The following CCN4 variants were observed in gnomAD, a reference collection of about 807,000 sequenced individuals.
The protein encoded by CCN4 is CCN family member 4.
A neutral mutation model predicts 36.7 loss-of-function variants in CCN4; 30 were observed. The ratio of observed to expected loss-of-function variants is 0.82; its 90% CI spans 0.61 to 1.11. The LOEUF (loss-of-function observed/expected upper bound fraction) is 1.11. Ranked by LOEUF, CCN4 falls within the 50% of genes least tolerant of loss-of-function variation. The pLI is 0.00. For missense variants in CCN4, 505 were observed against 504.9 expected (o/e 1.00, Z 0.00); for synonymous variants, 191 against 195.4 (o/e 0.98, Z 0.19).
At chr8:133,215,015 C>A (rs188546134) in intron 2 of CCN4, among the ~76,000 whole-genome samples, 1 of 152,202 alleles carries the variant, frequency 6.6e-6, no homozygotes, top group African/African-American at 2.4e-5. Context: ...AACTTTCACA[C>A]GAATCCTTGT....
At chr8:133,209,165 C>T (rs1018290972) in intron 1 of CCN4, among the ~76,000 whole-genome samples, 2 of 152,194 alleles carry the variant, frequency 1.3e-5, no homozygotes, top group East Asian at 1.9e-4. Flanking sequence ...ACCGCCCTTG[C>T]GCCAGTCATC....
At position 133,230,030 on chromosome 8, in the gene CCN4, C is replaced by T. The variant is rs1854898721; in HGVS notation, c.*2320C>T. ...TCAGTGGAAACCCAAGAGCTAGGTT[C>T]TTACTGAATTTGCATCTCAATTTGG... On this transcript the variant is annotated 3_prime_UTR_variant, in exon 5 of 5. Transcript: ENST00000250160. 6.6e-6 allele frequency: 1 copy of T among 152,238 alleles called. No individual in the cohort carries two copies. The highest frequency in any genetic ancestry group is 1.5e-5 in the Non-Finnish European group (1 of 68,044). 9.4% of individuals were successfully genotyped at this position (152,238 alleles called of 1,614,324 possible).
intron 3 of CCN4, among the ~76,000 whole-genome samples, chr8:133,223,216 G>T (rs901776409): frequency 1.3e-5 from 2 of 152,136 alleles, no homozygotes; most frequent in African/African-American, 4.8e-5. Context: ...GTCACGGGGG[G>T]AGCAGGGAGG....
At position 133,224,229 on chromosome 8, in the gene CCN4, C is replaced by CTTTT. The variant is rs59929763; in HGVS notation, c.611-1135_611-1132dup. Among the ~76,000 whole-genome samples, 17 of 88,514 alleles carry CTTTT rather than the reference C, an allele frequency of 1.9e-4. 6 individuals carry two copies. The highest frequency in any genetic ancestry group is 1.0e-3 in the Admixed American group (7 of 6,880). The allele number at this position is 88,514 out of a possible 152,430, so 58.1% of individuals were successfully genotyped here. A position where few individuals can be genotyped will look rare whatever the true frequency, so the allele number is the denominator to read the frequency against. ...GATTTGAATTTGAAGCCCGTAAGTCCTTTTTTTTTTTTTTTTTTTTTTTTT... is the reference window on the plus strand; with the variant it reads ...GATTTGAATTTGAAGCCCGTAAGTCCTTTTTTTTTTTTTTTTTTTTTTTTTTTTT... On this transcript the variant is annotated intron_variant, in intron 3 of 4. Transcript: ENST00000250160.
chr8:133,193,380 G>A (rs1853184291), intron 1 of CCN4, among the ~76,000 whole-genome samples: 1 of 152,208 alleles, frequency 6.6e-6, no homozygotes, highest in Non-Finnish European at 1.5e-5. Flanking sequence ...GAGGAAGATG[G>A]CAGCCCAGAA....
At chr8:133,200,824 G>A (rs1415340272) in intron 1 of CCN4, among the ~76,000 whole-genome samples, 5 of 152,250 alleles carry the variant, frequency 3.3e-5, no homozygotes, top group Non-Finnish European at 5.9e-5. Flanking sequence ...TGCCATCTCC[G>A]TGTCCTTGAA....
In CCN4 at chr8:133,231,093, T is replaced by G. The variant is rs555730250; in HGVS notation, c.*3383T>G. ...ATAGCTGCAATTTTAACTTTGAAAA[T>G]GATTCAGAATTATCAAAGATAGTAG... On this transcript the variant is annotated 3_prime_UTR_variant, in exon 5 of 5. Transcript: ENST00000250160. The G allele has an allele frequency of 6.6e-6, 1 of 152,210 alleles. No homozygotes were observed. Among genetic ancestry groups the G allele is most frequent in the Non-Finnish European group, 1.5e-5 (1 of 68,034 alleles). 9.4% of individuals were successfully genotyped at this position (152,210 alleles called of 1,614,324 possible). A position where few individuals can be genotyped will look rare whatever the true frequency, so the allele number is the denominator to read the frequency against.
intron 2 of CCN4, among the ~76,000 whole-genome samples, chr8:133,216,252 T>G (rs1346983294): frequency 6.6e-6 from 1 of 152,138 alleles, no homozygotes; most frequent in Non-Finnish European, 1.5e-5. Flanking sequence ...GCTAAGCAAA[T>G]GGACAGTTCC....
chr8:133,215,702 T>A (rs1429436054), intron 2 of CCN4, among the ~76,000 whole-genome samples: 1 of 152,108 alleles, frequency 6.6e-6, no homozygotes, highest in Non-Finnish European at 1.5e-5. Flanking sequence ...ACCATGGGCT[T>A]CTGTGTACTT....
intron 2 of CCN4, among the ~76,000 whole-genome samples, chr8:133,217,642 C>T (rs960471474): frequency 2.0e-5 from 3 of 152,096 alleles, no homozygotes; most frequent in Middle Eastern, 3.2e-3. Flanking sequence ...GAGACTGGCG[C>T]GCCTTCTAGT....
intron 1 of CCN4, among the ~76,000 whole-genome samples, chr8:133,210,783 G>A (rs1284357522): frequency 1.3e-5 from 2 of 152,230 alleles, no homozygotes; most frequent in Non-Finnish European, 2.9e-5. Flanking sequence ...ACACACAAAT[G>A]TCTAATTTCT....
intron 1 of CCN4, among the ~76,000 whole-genome samples, chr8:133,206,626 C>G (rs1853783287): frequency 6.6e-6 from 1 of 152,074 alleles, no homozygotes; most frequent in African/African-American, 2.4e-5. Flanking sequence ...ATGACAGAGA[C>G]AGAGAGAGAG....
intron 3 of CCN4, among the ~76,000 whole-genome samples, chr8:133,223,979 A>G (rs1392576740): frequency 1.3e-5 from 2 of 152,190 alleles, no homozygotes; most frequent in Admixed American, 6.5e-5. Flanking sequence ...CTGACAGTCA[A>G]ATGACCACAC....
At chr8:133,217,710 C>T (rs1483180206) in intron 2 of CCN4, among the ~76,000 whole-genome samples, 7 of 152,084 alleles carry the variant, frequency 4.6e-5, no homozygotes, top group Non-Finnish European at 7.3e-5. Flanking sequence ...TTTTAAAATA[C>T]GGAGATCAAC....
rs139338793 is a variant in CCN4, at chr8:133,205,380, T to G, written c.70-7484T>G. 3.8e-3 allele frequency among the ~76,000 whole-genome samples: 583 copies of G among 152,372 alleles called. 3 individuals carry two copies. The highest frequency in any genetic ancestry group is 0.013 in the African/African-American group (525 of 41,590). ...TTGTTTGTTTTTGTCTTTGTCTTTT[T>G]TTTCCCCCTCCTCTGGCCTTCCCTA... On this transcript the variant is annotated intron_variant, in intron 1 of 4. Transcript: ENST00000250160.
intron 1 of CCN4, among the ~76,000 whole-genome samples, chr8:133,194,528 G>A (rs1446412831): frequency 6.1e-5 from 5 of 82,136 alleles, no homozygotes; most frequent in African/African-American, 1.0e-4. Flanking sequence ...GTGTGTGGGG[G>A]TGTGTGTGGT....
At chr8:133,212,008 T>C (rs1406519674) in intron 1 of CCN4, among the ~76,000 whole-genome samples, 1 of 152,216 alleles carries the variant, frequency 6.6e-6, no homozygotes, top group African/African-American at 2.4e-5. Flanking sequence ...TCCTCAGGCC[T>C]GGGCAGCTCT....
chr8:133,208,086 G>A (rs1853849955), intron 1 of CCN4, among the ~76,000 whole-genome samples: 3 of 148,906 alleles, frequency 2.0e-5, no homozygotes, highest in Admixed American at 6.7e-5. Flanking sequence ...TCCAAGTTCT[G>A]TCATTTACTA....
rs1488653716 is a variant in CCN4 at position 133,220,819 on chromosome 8, AC to A, written c.592del (p.Arg198ValfsTer20). Reference protein sequence around the residue: ...DDAKRPRKTAPRDTGAFDAVG... With the variant: ...DDAKRPRKTAXRDTGAFDAVG... ...ACGCCAAGAGGCCACGCAAGACCGC[AC>A]CCCGTGACACAGGAGCCTTCGGTGG... On this transcript the variant is annotated frameshift_variant, in exon 3 of 5. Transcript: ENST00000250160. LOFTEE classifies it high-confidence loss of function. 6.2e-7 allele frequency: 1 copy of A among 1,602,176 alleles called. No individual in the cohort carries two copies.
Sources: gnomAD v4.1 joint callset for allele counts (sites outside exome capture counted in the v4.1 genomes callset) on GRCh38, gnomAD v4.1.1 for gene constraint, MANE v1.5 for transcripts, NCBI Gene and HGNC (gene_info 2026-07-23, HGNC 2026-07-21) for gene names.